Variants in CUL2 observed in about 807,000 individuals in gnomAD.
CUL2 encodes the protein cullin-2.
CUL2 carries 22 observed loss-of-function variants against 110.2 expected under a neutral mutation model. That is an observed-to-expected ratio of 0.20 (90% CI 0.14 to 0.28). CUL2 has a LOEUF of 0.28. Among genes scored for constraint, CUL2 ranks in the 10% least tolerant of loss-of-function variants. The probability of loss-of-function intolerance (pLI) is 1.00; values close to 1 mark genes in which losing one functional copy is unlikely to be tolerated. For missense variants in CUL2, 631 were observed against 905.5 expected, an observed-to-expected ratio of 0.70 and a Z score of 3.89; for synonymous variants, 279 against 293.2, an observed-to-expected ratio of 0.95 and a Z score of 0.49.
At chr10:35,029,846 A>C (rs1310447834) in intron 14 of CUL2, among the ~76,000 whole-genome samples, 1 of 152,258 alleles carries the variant, frequency 6.6e-6, no homozygotes, top group Non-Finnish European at 1.5e-5. Flanking sequence ...TATTTTAAAT[A>C]AGTGAATAAA....
intron 1 of CUL2, chr10:35,074,111 T>C: frequency 7.8e-7 from 1 of 1,283,236 alleles, no homozygotes; most frequent in South Asian, 1.3e-5. Context: ...GCTCTGAGGA[T>C]ACAGTGGACA....
intron 1 of CUL2, among the ~76,000 whole-genome samples, chr10:35,119,560 T>TTTTATTTATTTA (rs10589195): frequency 9.7e-4 from 137 of 140,742 alleles, no homozygotes; most frequent in Non-Finnish European, 1.4e-3. Context: ...TTAAAATTAA[T>TTTTATTTATTTA]TTTATTTATT....
chr10:35,080,253 C>G (rs1449665827), intron 1 of CUL2, among the ~76,000 whole-genome samples: 4 of 152,144 alleles, frequency 2.6e-5, no homozygotes, highest in African/African-American at 9.6e-5. Context: ...AAGAATGCAT[C>G]TAAACATTTT....
intron 9 of CUL2, 101 bp from the exon 10 acceptor site, chr10:35,035,397 CA>C (rs1158144514): frequency 3.1e-6 from 4 of 1,294,712 alleles, no homozygotes; most frequent in Non-Finnish European, 4.3e-6. Flanking sequence ...GATCCAAGTG[CA>C]GAGCACCCAG....
intron 8 of CUL2, among the ~76,000 whole-genome samples, chr10:35,041,076 G>A (rs2085774804): frequency 6.6e-6 from 1 of 152,118 alleles, no homozygotes. Flanking sequence ...CTGGTCTAGA[G>A]GACAAAAGTG....
intron 2 of CUL2, among the ~76,000 whole-genome samples, chr10:35,100,219 A>G: frequency 6.6e-6 from 1 of 152,184 alleles, no homozygotes; most frequent in East Asian, 1.9e-4. Context: ...ATCTTTTGCT[A>G]TTAGAAATAA....
At chr10:35,028,549 C>T (rs1239886000) in intron 16 of CUL2, among the ~76,000 whole-genome samples, 1 of 152,124 alleles carries the variant, frequency 6.6e-6, no homozygotes, top group Admixed American at 6.6e-5. Context: ...TTTAAAACTG[C>T]TTAATAGCAG....
chr10:35,092,288 A>C (rs1223416688), upstream of CUL2, among the ~76,000 whole-genome samples: 1 of 152,024 alleles, frequency 6.6e-6, no homozygotes, highest in Non-Finnish European at 1.5e-5. Flanking sequence ...TTGTTTTTGT[A>C]CTGATGGTGC....
At chr10:35,120,474 A>T (rs2087664903) in intron 1 of CUL2, 1 of 152,226 alleles carries the variant, frequency 6.6e-6, no homozygotes, top group Non-Finnish European at 1.5e-5. Flanking sequence ...TTATTTGAAG[A>T]AAACAAAGTA....
chr10:35,076,870 G>A (rs1055472125), intron 1 of CUL2, among the ~76,000 whole-genome samples: 3 of 152,092 alleles, frequency 2.0e-5, no homozygotes, highest in African/African-American at 7.2e-5. Flanking sequence ...CTGACATGGT[G>A]AAACCCCATC....
chr10:35,113,181 CAAA>C (rs71660665), intron 1 of CUL2, among the ~76,000 whole-genome samples: 18 of 36,630 alleles, frequency 4.9e-4, no homozygotes, highest in Admixed American at 8.0e-4. Flanking sequence ...GACTCCATCT[CAAA>C]AAAAAAAAAA....
chr10:35,067,400 A>G (rs948064737), intron 2 of CUL2, among the ~76,000 whole-genome samples: 6 of 152,188 alleles, frequency 3.9e-5, no homozygotes, highest in Non-Finnish European at 8.8e-5. Context: ...GAGTAAAAGT[A>G]AACTAGAACA....
chr10:35,066,307 CTTTTTT>C (rs915291009), intron 2 of CUL2, among the ~76,000 whole-genome samples: 2 of 145,578 alleles, frequency 1.4e-5, no homozygotes, highest in Non-Finnish European at 3.0e-5. Context: ...AATTTGCTGA[CTTTTTT>C]TTTTTTTGAG....
At chr10:35,043,929 G>T (rs754321625) in intron 8 of CUL2, among the ~76,000 whole-genome samples, 1 of 151,558 alleles carries the variant, frequency 6.6e-6, no homozygotes, top group Non-Finnish European at 1.5e-5. Context: ...GTTGCTGGGC[G>T]TGGTGGTGTG....
chr10:35,119,050 T>A (rs1745055880), intron 1 of CUL2, among the ~76,000 whole-genome samples: 1 of 152,236 alleles, frequency 6.6e-6, no homozygotes, highest in African/African-American at 2.4e-5. Flanking sequence ...GACCTACTCC[T>A]TAAAGGTTGA....
chr10:35,074,049 A>G (rs12248333), intron 1 of CUL2: 280,662 of 796,992 alleles, frequency 0.35, 50,074 homozygotes, highest in African/African-American at 0.41. Context: ...CAACCATGCT[A>G]CCTCACTAAC....
chr10:35,087,893 C>A (rs961481003), intron 1 of CUL2, among the ~76,000 whole-genome samples: 5 of 152,052 alleles, frequency 3.3e-5, no homozygotes, highest in Non-Finnish European at 7.4e-5. Context: ...ACAAAGCCAA[C>A]ATGATCCAGC....
intron 6 of CUL2, among the ~76,000 whole-genome samples, chr10:35,048,678 G>A (rs1040153950): frequency 7.2e-5 from 11 of 152,298 alleles, no homozygotes; most frequent in African/African-American, 2.2e-4. Flanking sequence ...CTTCAGTATT[G>A]CCTTTCCTCT....
chr10:35,019,639 AAAGT>A (rs1201558784), intron 17 of CUL2, among the ~76,000 whole-genome samples: 2 of 152,240 alleles, frequency 1.3e-5, no homozygotes, highest in Non-Finnish European at 2.9e-5. Context: ...ATGCATACTT[AAAGT>A]AAGCCAACAA....
Sources: allele counts gnomAD v4.1 joint callset (sites outside exome capture counted in the v4.1 genomes callset), GRCh38; gene constraint gnomAD v4.1.1; transcripts MANE v1.5; gene names NCBI Gene and HGNC (gene_info 2026-07-23, HGNC 2026-07-21).